The following ZDHHC17 variants were observed in gnomAD, a reference collection of about 807,000 sequenced individuals.
The protein encoded by ZDHHC17 is palmitoyltransferase ZDHHC17.
In ZDHHC17, 40 loss-of-function variants were observed where a neutral mutation model predicts 90.3. The ratio of observed to expected loss-of-function variants is 0.44; its 90% confidence interval spans 0.34 to 0.58. ZDHHC17 has a LOEUF of 0.58. Ranked by LOEUF, ZDHHC17 falls within the 20% of genes least tolerant of loss-of-function variation. The pLI, the probability that ZDHHC17 is intolerant of heterozygous loss-of-function variation, is 0.01. For missense variants in ZDHHC17, 614 were observed against 780.8 expected (o/e 0.79, Z 2.55); for synonymous variants, 235 against 252.4 (o/e 0.93, Z 0.65).
At chr12:76,823,109 G>A (rs1250694023) in intron 8 of ZDHHC17, among the ~76,000 whole-genome samples, 3 of 152,086 alleles carry the variant, frequency 2.0e-5, no homozygotes, top group South Asian at 2.1e-4. Flanking sequence ...TCGGCTACTC[G>A]TGTACATTTT....
At chr12:76,787,173 G>T (rs775879794) in intron 1 of ZDHHC17, among the ~76,000 whole-genome samples, 10 of 152,172 alleles carry the variant, frequency 6.6e-5, no homozygotes, top group Non-Finnish European at 1.5e-4. Context: ...CACGACTTGA[G>T]TGTGGGCTGC....
At position 76,772,593 on chromosome 12, in the gene ZDHHC17, G is replaced by A. The variant is rs893346304; in HGVS notation, c.93+8264G>A. Reference sequence around the variant, plus strand: ...CTTTGTCGCCAGGCTGGAGTGCAGTGATACAATCTCAGCTCACTACAACCT... The same window carrying A: ...CTTTGTCGCCAGGCTGGAGTGCAGTAATACAATCTCAGCTCACTACAACCT... On this transcript the variant is annotated intron_variant, in intron 1 of 16. Coordinates refer to ENST00000426126, the MANE Select transcript of ZDHHC17 (RefSeq NM_015336.4). Among the ~76,000 whole-genome samples the A allele has an allele frequency of 7.2e-5, 10 of 138,240 alleles. 1 individual carries two copies. The East Asian group carries it at 2.3e-3, about 31-fold the overall frequency. The allele number at this position is 138,240 out of a possible 152,430, so 90.7% of individuals were successfully genotyped here.
intron 1 of ZDHHC17, among the ~76,000 whole-genome samples, chr12:76,782,446 A>C (rs1229424021): frequency 6.6e-6 from 1 of 152,202 alleles, no homozygotes; most frequent in African/African-American, 2.4e-5. Context: ...TTGCAGTGGA[A>C]AAGCTGGAAG....
chr12:76,835,041 C>T (rs1410433694), intron 10 of ZDHHC17, among the ~76,000 whole-genome samples: 7 of 142,902 alleles, frequency 4.9e-5, no homozygotes, highest in Non-Finnish European at 1.1e-4. Context: ...CTTTGAGTTC[C>T]GCGAAAAGCC....
At chr12:76,832,399 T>C (rs565121292) in intron 10 of ZDHHC17, among the ~76,000 whole-genome samples, 38 of 152,370 alleles carry the variant, frequency 2.5e-4, no homozygotes, top group African/African-American at 7.7e-4. Flanking sequence ...AGAATTATAG[T>C]TGTTTTTCAT....
At chr12:76,790,488 C>T (rs918378542) in intron 1 of ZDHHC17, among the ~76,000 whole-genome samples, 2 of 152,012 alleles carry the variant, frequency 1.3e-5, no homozygotes, top group African/African-American at 4.8e-5. Context: ...GGTGACAGAG[C>T]GAGACTCTGT....
chr12:76,769,154 G>A (rs550317154), intron 1 of ZDHHC17: 1 of 329,784 alleles, frequency 3.0e-6, no homozygotes, highest in Non-Finnish European at 6.3e-6. Context: ...AGCCTCCTGC[G>A]TTCAAGCGAT....
intron 1 of ZDHHC17, among the ~76,000 whole-genome samples, chr12:76,791,301 G>T (rs1592468215): frequency 1.3e-5 from 2 of 152,200 alleles, no homozygotes; most frequent in Middle Eastern, 6.8e-3. Context: ...TTTTTATTAT[G>T]AACAATAAGC....
At chr12:76,848,520 T>C (rs1953522587) in intron 15 of ZDHHC17, 130 bp downstream of exon 15, 2 of 1,115,578 alleles carry the variant, frequency 1.8e-6, no homozygotes, top group African/African-American at 3.1e-5. Flanking sequence ...CAATTTAGTT[T>C]TCCTTTCTAC....
At chr12:76,815,326 G>T in intron 6 of ZDHHC17, 116 bp downstream of exon 6, 1 of 567,644 alleles carries the variant, frequency 1.8e-6, no homozygotes, top group Non-Finnish European at 2.9e-6. Flanking sequence ...TTTTTATTAT[G>T]ACTATAGTAT....
At chr12:76,776,004 G>GA (rs1029578413) in intron 1 of ZDHHC17, among the ~76,000 whole-genome samples, 1 of 152,016 alleles carries the variant, frequency 6.6e-6, no homozygotes, top group African/African-American at 2.4e-5. Context: ...CTGTTTGTGA[G>GA]AGGTTAATTA....
chr12:76,788,115 A>G, intron 1 of ZDHHC17, among the ~76,000 whole-genome samples: 1 of 152,220 alleles, frequency 6.6e-6, no homozygotes, highest in South Asian at 2.1e-4. Flanking sequence ...TATGCTACAC[A>G]TACATTGTGG....
intron 5 of ZDHHC17, among the ~76,000 whole-genome samples, chr12:76,814,377 A>G (rs1233144244): frequency 6.6e-6 from 1 of 151,926 alleles, no homozygotes; most frequent in African/African-American, 2.4e-5. Context: ...ATTTATGCAT[A>G]TTTATAATAA....
Position 76,842,970 on chromosome 12 carries a change from A to G in ZDHHC17, c.1318A>G (p.Ser440Gly). The change falls in exon 12 of 17, where the codon AGT (serine) becomes GGT (glycine). Residue 440 changes from serine to glycine, a missense_variant. By Grantham distance (56) the Ser-to-Gly change is moderately conservative. Coordinates refer to ENST00000426126, the MANE Select transcript of ZDHHC17 (RefSeq NM_015336.4). ...AAGTCTGGACCTCAGTATATTCTGC[A>G]GTACCTGTTTGGTAGTATTTTCTTC... Reference protein sequence around the residue: ...TGSLDLSIFCSTCLIRKPVRS... With the variant: ...TGSLDLSIFCGTCLIRKPVRS... 6.2e-7 allele frequency: 1 copy of G among 1,610,754 alleles called. No individual in the cohort carries two copies. The highest frequency in any genetic ancestry group is 8.5e-7 in the Non-Finnish European group (1 of 1,177,936).
At chr12:76,845,882 G>T in intron 13 of ZDHHC17, 80 bp downstream of exon 13, 1 of 751,398 alleles carries the variant, frequency 1.3e-6, no homozygotes, top group Non-Finnish European at 2.2e-6. Flanking sequence ...ATTAAAGTAG[G>T]CAATAGAAAG....
intron 1 of ZDHHC17, among the ~76,000 whole-genome samples, chr12:76,793,457 T>C (rs1198151804): frequency 1.3e-5 from 2 of 152,098 alleles, no homozygotes; most frequent in African/African-American, 4.8e-5. Flanking sequence ...GAGGCGGAGG[T>C]TGCAGTGAGC....
At chr12:76,840,043 G>C (rs565940718) in intron 10 of ZDHHC17, 27 of 152,272 alleles carry the variant, frequency 1.8e-4, no homozygotes, top group African/African-American at 5.8e-4. Context: ...TGTAGCTTCT[G>C]CTTCAGTCGT....
At chr12:76,847,542 G>A (rs1953509141) in intron 14 of ZDHHC17, among the ~76,000 whole-genome samples, 1 of 152,182 alleles carries the variant, frequency 6.6e-6, no homozygotes, top group Admixed American at 6.5e-5. Flanking sequence ...CCTACAGCAG[G>A]AGATTTTGTA....
intron 1 of ZDHHC17, among the ~76,000 whole-genome samples, chr12:76,779,855 G>A (rs990636038): frequency 2.0e-5 from 3 of 151,488 alleles, no homozygotes; most frequent in Non-Finnish European, 4.4e-5. Context: ...AAGTGTGAAA[G>A]TTAAGGTTGA....
Sources: gnomAD v4.1 joint callset for allele counts (sites outside exome capture counted in the v4.1 genomes callset) on GRCh38, gnomAD v4.1.1 for gene constraint, MANE v1.5 for transcripts, NCBI Gene and HGNC (gene_info 2026-07-23, HGNC 2026-07-21) for gene names.